ADAM18: variants seen among roughly 807,000 people sequenced by gnomAD.
ADAM18 encodes the protein ADAM metallopeptidase domain 18.
ADAM18 carries 117 observed loss-of-function variants against 94.4 expected under a neutral mutation model. The ratio of observed to expected loss-of-function variants is 1.24; its 90% confidence interval spans 1.07 to 1.45. ADAM18 has a LOEUF of 1.45. Ranked by LOEUF, ADAM18 falls within the 40% of genes most tolerant of loss-of-function variation. The pLI, the probability that ADAM18 is intolerant of heterozygous loss-of-function variation, is 0.00. For missense variants in ADAM18, 936 were observed against 880.0 expected (o/e 1.06, Z -0.81); for synonymous variants, 327 against 291.6 (o/e 1.12, Z -1.24).
chr8:39,705,348 C>A (rs1224138718), intron 17 of ADAM18, among the ~76,000 whole-genome samples: 1 of 151,922 alleles, frequency 6.6e-6, no homozygotes, highest in East Asian at 1.9e-4. Context: ...TTAAAGTTAG[C>A]AAAATAAAAT....
intron 16 of ADAM18, among the ~76,000 whole-genome samples, chr8:39,686,969 T>C (rs1821623376): frequency 6.6e-6 from 1 of 152,234 alleles, no homozygotes; most frequent in Non-Finnish European, 1.5e-5. Context: ...TCACAGGATG[T>C]TGACCACATT....
chr8:39,640,220 C>T (rs1820198925), intron 10 of ADAM18, among the ~76,000 whole-genome samples: 1 of 152,048 alleles, frequency 6.6e-6, no homozygotes. Context: ...GTGTGTTGTT[C>T]CCCCATGTGT....
chr8:39,697,170 T>C (rs1821949873), intron 17 of ADAM18, among the ~76,000 whole-genome samples: 2 of 151,588 alleles, frequency 1.3e-5, no homozygotes, highest in Admixed American at 6.6e-5. Context: ...GGGTTACGCA[T>C]TGCTAGCCAG....
chr8:39,611,004 T>C (rs1478292883), intron 6 of ADAM18: 31 of 1,136,774 alleles, frequency 2.7e-5, no homozygotes, highest in Non-Finnish European at 3.0e-5. Flanking sequence ...TTCTAGTACC[T>C]TGGTAAAATT....
rs541258651 is a variant in ADAM18, at chr8:39,609,384, A to G, written c.268-101A>G. On this transcript the variant is annotated intron_variant, in intron 4 of 19. Coordinates refer to ENST00000265707, the MANE Select transcript of ADAM18 (RefSeq NM_014237.3). ...ATATGCATTAATAATTAATGATCTT[A>G]TTATTAAATCTTTTAATATTTTGAA... The G allele has an allele frequency of 1.0e-4, 82 of 782,702 alleles. 1 individual carries two copies. The East Asian group carries it at 2.2e-3, about 21-fold the overall frequency. 48.5% of individuals were successfully genotyped at this position (782,702 alleles called of 1,614,324 possible).
intron 13 of ADAM18, among the ~76,000 whole-genome samples, chr8:39,664,750 A>T (rs1329961366): frequency 6.6e-6 from 1 of 152,178 alleles, no homozygotes; most frequent in African/African-American, 2.4e-5. Context: ...TGATATTGGA[A>T]TGATTACATA....
chr8:39,589,482 A>G (rs1453843034), intron 2 of ADAM18, among the ~76,000 whole-genome samples: 2 of 152,206 alleles, frequency 1.3e-5, no homozygotes, highest in Middle Eastern at 3.4e-3. Flanking sequence ...ATAAGAATAT[A>G]TGTAAGTACA....
chr8:39,606,080 C>T (rs772555555), intron 2 of ADAM18, among the ~76,000 whole-genome samples: 1 of 152,024 alleles, frequency 6.6e-6, no homozygotes, highest in Non-Finnish European at 1.5e-5. Context: ...GTATATATAC[C>T]ACAGTTCCCC....
chr8:39,656,659 T>C (rs918215185), intron 12 of ADAM18, among the ~76,000 whole-genome samples: 2 of 152,132 alleles, frequency 1.3e-5, no homozygotes, highest in African/African-American at 4.8e-5. Flanking sequence ...CAATAGGAGA[T>C]TGTTTTCTCC....
chr8:39,592,670 A>G (rs1407352644), intron 2 of ADAM18, among the ~76,000 whole-genome samples: 1 of 152,134 alleles, frequency 6.6e-6, no homozygotes, highest in Non-Finnish European at 1.5e-5. Context: ...TGATGAAGAA[A>G]ATAGACTCTG....
At chr8:39,695,737 A>G (rs1468037973) in intron 17 of ADAM18, among the ~76,000 whole-genome samples, 1 of 151,358 alleles carries the variant, frequency 6.6e-6, no homozygotes, top group African/African-American at 2.4e-5. Context: ...TTCAAGCTCC[A>G]TCCATGTTGT....
intron 6 of ADAM18, among the ~76,000 whole-genome samples, chr8:39,615,322 A>G (rs1819405695): frequency 6.6e-6 from 1 of 152,116 alleles, no homozygotes; most frequent in Admixed American, 6.5e-5. Context: ...ATACAATTAC[A>G]TGAAAAGTCA....
At chr8:39,636,498 ATAT>A (rs1475572095) in intron 7 of ADAM18, among the ~76,000 whole-genome samples, 11 of 152,116 alleles carry the variant, frequency 7.2e-5, no homozygotes, top group Admixed American at 3.3e-4. Context: ...TCATCCTTTG[ATAT>A]TATAATCCTC....
At chr8:39,703,429 G>A (rs1822143908) in intron 17 of ADAM18, among the ~76,000 whole-genome samples, 1 of 151,984 alleles carries the variant, frequency 6.6e-6, no homozygotes, top group Non-Finnish European at 1.5e-5. Context: ...CATCCACAAA[G>A]CGGAATAATT....
At chr8:39,729,797 T>A (rs2129582093) in intron 19 of ADAM18, 101 bp from the exon 20 acceptor site, 1 of 900,184 alleles carries the variant, frequency 1.1e-6, no homozygotes, top group South Asian at 1.6e-5. Flanking sequence ...TTTTAGCAAT[T>A]ATAAAGTAGA....
At chr8:39,645,268 T>C in intron 10 of ADAM18, 70 bp from the exon 11 acceptor site, 1 of 1,345,942 alleles carries the variant, frequency 7.4e-7, no homozygotes, top group South Asian at 1.4e-5. Flanking sequence ...ATGATAGGAG[T>C]AAAAATATTT....
chr8:39,672,843 A>G (rs973394115), intron 14 of ADAM18, among the ~76,000 whole-genome samples: 1 of 152,304 alleles, frequency 6.6e-6, no homozygotes, highest in African/African-American at 2.4e-5. Flanking sequence ...CAGAAGCCCA[A>G]TGTGATCATG....
chr8:39,620,702 A>C (rs28838953), intron 6 of ADAM18, among the ~76,000 whole-genome samples: 1 of 149,000 alleles, frequency 6.7e-6, no homozygotes, highest in Non-Finnish European at 1.5e-5. Context: ...TCCTATCAGC[A>C]GCAACAGCAT....
intron 14 of ADAM18, 58 bp downstream of exon 14, chr8:39,668,254 C>T: frequency 2.7e-6 from 4 of 1,485,624 alleles, no homozygotes; most frequent in Middle Eastern, 1.7e-4. Flanking sequence ...CTGTAGAGTA[C>T]ATTATGTACC....
Sources: gnomAD v4.1 joint callset for allele counts (sites outside exome capture counted in the v4.1 genomes callset) on GRCh38, gnomAD v4.1.1 for gene constraint, MANE v1.5 for transcripts, NCBI Gene and HGNC (gene_info 2026-07-23, HGNC 2026-07-21) for gene names.